TCF7L2: variants seen among roughly 807,000 people sequenced by gnomAD.
The protein encoded by TCF7L2 is transcription factor 7 like 2, also known as transcription factor 7-like 2.
A neutral mutation model predicts 77.9 loss-of-function variants in TCF7L2; 23 were observed. The observed-to-expected ratio is 0.30, with a 90% CI of 0.21 to 0.42. TCF7L2 has a LOEUF of 0.42. Among genes scored for constraint, TCF7L2 ranks in the 10% least tolerant of loss-of-function variants. TCF7L2 has a pLI of 1.00. For missense variants in TCF7L2, 654 were observed against 793.1 expected, an observed-to-expected ratio of 0.82 and a Z score of 2.11; for synonymous variants, 413 against 340.2, an observed-to-expected ratio of 1.21 and a Z score of -2.36.
At chr10:113,016,977 T>C (rs1564788411) in intron 4 of TCF7L2, among the ~76,000 whole-genome samples, 1 of 152,152 alleles carries the variant, frequency 6.6e-6, no homozygotes. Flanking sequence ...TGACCACTTC[T>C]TGAGGCTCAT....
chr10:112,985,310 C>T (rs2041274686), intron 4 of TCF7L2, among the ~76,000 whole-genome samples: 1 of 152,078 alleles, frequency 6.6e-6, no homozygotes, highest in African/African-American at 2.4e-5. Context: ...AAGAGATGAA[C>T]CCTATTCTCC....
intron 5 of TCF7L2, among the ~76,000 whole-genome samples, chr10:113,134,866 C>A (rs2067167780): frequency 6.6e-6 from 1 of 152,206 alleles, no homozygotes; most frequent in Non-Finnish European, 1.5e-5. Flanking sequence ...AAATGCTCCT[C>A]TGTTGCTTTA....
At chr10:113,069,707 G>T (rs2057710420) in intron 5 of TCF7L2, among the ~76,000 whole-genome samples, 1 of 152,186 alleles carries the variant, frequency 6.6e-6, no homozygotes, top group Non-Finnish European at 1.5e-5. Flanking sequence ...TATGTAGTCA[G>T]TGTACAGTGT....
rs1210862373 is a variant in TCF7L2 at position 113,167,290 on chromosome 10, A to G, written c.*1318A>G. ...CTGTATATTAGATTACTCTTAAACG[A>G]AAAACCAGCTGCCGCTTTTATGTAC... On this transcript the variant is annotated 3_prime_UTR_variant, in exon 14 of 14. Coordinates refer to ENST00000627217, the MANE Select transcript of TCF7L2 (RefSeq NM_001146274.2). 2 of 227,978 alleles carry G rather than the reference A, an allele frequency of 8.8e-6. No homozygotes were observed. The highest frequency in any genetic ancestry group is 1.7e-5 in the Non-Finnish European group (2 of 114,904). The allele number at this position is 227,978 out of a possible 1,614,324, so 14.1% of individuals were successfully genotyped here. A position where few individuals can be genotyped will look rare whatever the true frequency, so the allele number is the denominator to read the frequency against.
chr10:113,165,260 T>C (rs2073925722), intron 13 of TCF7L2, among the ~76,000 whole-genome samples: 1 of 152,116 alleles, frequency 6.6e-6, no homozygotes, highest in Non-Finnish European at 1.5e-5. Flanking sequence ...TCCATGCTGC[T>C]CTCGTATATA....
At chr10:113,100,443 A>T (rs1383470140) in intron 5 of TCF7L2, among the ~76,000 whole-genome samples, 1 of 152,062 alleles carries the variant, frequency 6.6e-6, no homozygotes, top group Admixed American at 6.5e-5. Flanking sequence ...CGTCGGAAAC[A>T]TGATGTCACT....
In TCF7L2 at chr10:112,966,184, T is replaced by TTATATA. The variant is rs141060651; in HGVS notation, c.450+1582_450+1587dup. Among the ~76,000 whole-genome samples the TTATATA allele has an allele frequency of 3.0e-3, 346 of 114,216 alleles. 23 individuals are homozygous for TTATATA. The highest frequency in any genetic ancestry group is 8.8e-3 in the African/African-American group (185 of 21,010). 74.9% of individuals were successfully genotyped at this position (114,216 alleles called of 152,430 possible). A position where few individuals can be genotyped will look rare whatever the true frequency, so the allele number is the denominator to read the frequency against. ...GAGTGAGACTCTGTCTAAAATATAT[T>TTATATA]TATATATATATATATATATATATAT... On this transcript the variant is annotated intron_variant, in intron 4 of 13. Transcript: ENST00000627217.
intron 4 of TCF7L2, among the ~76,000 whole-genome samples, chr10:112,989,898 C>T (rs1217638685): frequency 6.6e-6 from 1 of 152,068 alleles, no homozygotes; most frequent in Non-Finnish European, 1.5e-5. Context: ...AATAGATTTT[C>T]TAATAGATGG....
At chr10:113,081,309 A>G (rs1443486655) in intron 5 of TCF7L2, among the ~76,000 whole-genome samples, 3 of 152,232 alleles carry the variant, frequency 2.0e-5, no homozygotes, top group African/African-American at 7.2e-5. Context: ...ACACGCACCA[A>G]TACTACTTCC....
At position 113,114,750 on chromosome 10, in the gene TCF7L2, C is replaced by A. The variant is rs554028147; in HGVS notation, c.553-26434C>A. Among the ~76,000 whole-genome samples, 10 of 152,192 alleles carry A rather than the reference C, an allele frequency of 6.6e-5. No individual in the cohort carries two copies. The South Asian group carries it at 1.7e-3, about 25-fold the overall frequency. Reference sequence around the variant, plus strand: ...GAATAATTTATTAATTCTCAAAAAGCGATTTCAAGGCCTAGACTGAGAGAG... The same window carrying A: ...GAATAATTTATTAATTCTCAAAAAGAGATTTCAAGGCCTAGACTGAGAGAG... On this transcript the variant is annotated intron_variant, in intron 5 of 13. Coordinates refer to ENST00000627217, the MANE Select transcript of TCF7L2 (RefSeq NM_001146274.2).
chr10:113,157,940 C>T, intron 11 of TCF7L2, 81 bp from the exon 12 acceptor site: 3 of 1,448,620 alleles, frequency 2.1e-6, no homozygotes, highest in South Asian at 2.5e-5. Context: ...TTCCTCCTGC[C>T]TTCTCCTTCC....
At position 112,980,363 on chromosome 10, in the gene TCF7L2, G is replaced by T. The variant is rs1361598286; in HGVS notation, c.450+15739G>T. On this transcript the variant is annotated intron_variant, in intron 4 of 13. Transcript: ENST00000627217. ...CAGTAATGTGCAGAGAGGAATTTTT[G>T]TCCTTTGGATTAGCTTCTAAGATAT... 3.3e-5 allele frequency among the ~76,000 whole-genome samples: 5 copies of T among 152,272 alleles called. No homozygotes were observed. In the East Asian group the frequency reaches 9.7e-4, roughly 29 times the overall value.
At chr10:113,046,236 G>A (rs1013727862) in intron 5 of TCF7L2, among the ~76,000 whole-genome samples, 35 of 152,158 alleles carry the variant, frequency 2.3e-4, no homozygotes, top group African/African-American at 8.2e-4. Flanking sequence ...AAGAAGGATT[G>A]TGTGACCTCA....
intron 4 of TCF7L2, among the ~76,000 whole-genome samples, chr10:113,007,882 G>GT (rs1204417328): frequency 3.9e-5 from 6 of 152,322 alleles, no homozygotes; most frequent in African/African-American, 1.4e-4. Context: ...TTTTGGCGTG[G>GT]TGTCTCTGTG....
At chr10:112,951,643 C>T (rs757813980) in intron 3 of TCF7L2, 36 bp downstream of exon 3, 1 of 1,067,958 alleles carries the variant, frequency 9.4e-7, no homozygotes, top group Non-Finnish European at 1.1e-6. Context: ...GCCCGCTGCC[C>T]GCCCGCCCGC....
rs557840096 is a variant in TCF7L2, at chr10:112,964,745, G to A, written c.450+121G>A. On this transcript the variant is annotated intron_variant, in intron 4 of 13. Transcript: ENST00000627217. Reference sequence around the variant, plus strand: ...GATGATGATGATGATGATGATGGTGGTGGTGGTGGTGGTGATGGTGGTGGT... The same window carrying A: ...GATGATGATGATGATGATGATGGTGATGGTGGTGGTGGTGATGGTGGTGGT... The A allele has an allele frequency of 2.0e-3, 1,485 of 730,820 alleles. 27 individuals carry two copies. The African/African-American group carries it at 0.023, about 12-fold the overall frequency. 45.3% of individuals were successfully genotyped at this position (730,820 alleles called of 1,614,324 possible). A position where few individuals can be genotyped will look rare whatever the true frequency, so the allele number is the denominator to read the frequency against.
chr10:112,982,534 C>G (rs2040666335), intron 4 of TCF7L2, among the ~76,000 whole-genome samples: 2 of 152,142 alleles, frequency 1.3e-5, no homozygotes, highest in African/African-American at 4.8e-5. Flanking sequence ...GCGCATATCT[C>G]TTTTTTTCCC....
chr10:112,973,052 A>T (rs1262754866), intron 4 of TCF7L2, among the ~76,000 whole-genome samples: 1 of 152,192 alleles, frequency 6.6e-6, no homozygotes, highest in Non-Finnish European at 1.5e-5. Flanking sequence ...CAACACACAT[A>T]GAAATCACGT....
At chr10:112,966,194 A>G (rs202206269) in intron 4 of TCF7L2, among the ~76,000 whole-genome samples, 1 of 106,476 alleles carries the variant, frequency 9.4e-6, no homozygotes, top group African/African-American at 3.5e-5. Flanking sequence ...TTATATATAT[A>G]TATATATATA....
Sources: allele counts gnomAD v4.1 joint callset (sites outside exome capture counted in the v4.1 genomes callset), GRCh38; gene constraint gnomAD v4.1.1; transcripts MANE v1.5; gene names NCBI Gene and HGNC (gene_info 2026-07-23, HGNC 2026-07-21).